The following LRRC4C variants were observed in gnomAD, a reference collection of about 807,000 sequenced individuals.
The protein encoded by LRRC4C is leucine-rich repeat-containing protein 4C.
A neutral mutation model predicts 33.6 loss-of-function variants in LRRC4C; 5 were observed. That is an observed-to-expected ratio of 0.15 (90% CI 0.08 to 0.31). LRRC4C has a LOEUF of 0.31. Ranked by LOEUF, LRRC4C falls within the 10% of genes least tolerant of loss-of-function variation. The probability of loss-of-function intolerance (pLI) is 1.00; values close to 1 mark genes in which losing one functional copy is unlikely to be tolerated. For synonymous variants in LRRC4C, 329 were observed against 302.0 expected (o/e 1.09, Z -0.93); for missense variants, 560 against 796.7 (o/e 0.70, Z 3.58).
chr11:40,684,077 A>G (rs1944837553), intron 2 of LRRC4C, among the ~76,000 whole-genome samples: 1 of 152,166 alleles, frequency 6.6e-6, no homozygotes, highest in Non-Finnish European at 1.5e-5. Context: ...GTTACAAAAT[A>G]CTTACACAAT....
intron 2 of LRRC4C, among the ~76,000 whole-genome samples, chr11:40,793,974 T>C (rs554004697): frequency 6.6e-6 from 1 of 152,306 alleles, no homozygotes; most frequent in African/African-American, 2.4e-5. Flanking sequence ...ATTATCTTCA[T>C]ATAAACTCAC....
At chr11:40,742,036 A>G (rs1357076199) in intron 2 of LRRC4C, among the ~76,000 whole-genome samples, 2 of 152,062 alleles carry the variant, frequency 1.3e-5, no homozygotes, top group Admixed American at 6.6e-5. Context: ...GAAAAGTAGA[A>G]AAAAATCTAA....
chr11:40,649,013 T>C (rs576199998), intron 2 of LRRC4C, among the ~76,000 whole-genome samples: 1 of 152,192 alleles, frequency 6.6e-6, no homozygotes, highest in East Asian at 1.9e-4. Flanking sequence ...GATCACAGGC[T>C]TCAAAGGGCA....
intron 2 of LRRC4C, among the ~76,000 whole-genome samples, chr11:40,743,818 T>C (rs1013156416): frequency 2.2e-4 from 33 of 152,120 alleles, no homozygotes; most frequent in African/African-American, 7.5e-4. Flanking sequence ...TTTTCCCTAT[T>C]GTCCTCTTCA....
At chr11:40,950,819 C>A (rs1387242349) in intron 1 of LRRC4C, among the ~76,000 whole-genome samples, 1 of 151,536 alleles carries the variant, frequency 6.6e-6, no homozygotes, top group African/African-American at 2.4e-5. Context: ...CATATGGAAT[C>A]ATTTTGCTTT....
intron 3 of LRRC4C, among the ~76,000 whole-genome samples, chr11:40,453,085 G>A (rs1393836869): frequency 6.6e-6 from 1 of 152,002 alleles, no homozygotes; most frequent in Non-Finnish European, 1.5e-5. Flanking sequence ...AATGTTAAAT[G>A]ACGAGTTAAT....
chr11:40,803,393 GA>G (rs1314734731), intron 2 of LRRC4C, among the ~76,000 whole-genome samples: 1 of 152,042 alleles, frequency 6.6e-6, no homozygotes, highest in Non-Finnish European at 1.5e-5. Context: ...GCCAAACAAA[GA>G]AACATGGCTT....
intron 1 of LRRC4C, among the ~76,000 whole-genome samples, chr11:41,057,397 C>A (rs371646179): frequency 6.6e-6 from 1 of 152,164 alleles, no homozygotes; most frequent in Non-Finnish European, 1.5e-5. Context: ...AGATACCTCT[C>A]GACACCTATA....
chr11:40,796,337 G>T (rs988754753), intron 2 of LRRC4C, among the ~76,000 whole-genome samples: 25 of 152,184 alleles, frequency 1.6e-4, no homozygotes, highest in African/African-American at 5.8e-4. Context: ...AGTTCGTGGT[G>T]CAGGGTAAAC....
At chr11:41,047,315 A>C (rs1857843322) in intron 1 of LRRC4C, among the ~76,000 whole-genome samples, 1 of 152,284 alleles carries the variant, frequency 6.6e-6, no homozygotes, top group Middle Eastern at 3.4e-3. Flanking sequence ...TAACATCAGT[A>C]TAATTATTAT....
chr11:40,462,334 G>T (rs538011615), intron 3 of LRRC4C, among the ~76,000 whole-genome samples: 26 of 152,180 alleles, frequency 1.7e-4, no homozygotes, highest in South Asian at 6.2e-4. Flanking sequence ...TGGAAGCAGA[G>T]ATTTGCTTTT....
intron 2 of LRRC4C, among the ~76,000 whole-genome samples, chr11:40,855,648 T>C (rs756645110): frequency 6.6e-6 from 1 of 152,176 alleles, no homozygotes; most frequent in Non-Finnish European, 1.5e-5. Context: ...AGTGTCACCA[T>C]AGAAAATGAC....
chr11:41,004,496 T>C (rs922758197), intron 1 of LRRC4C, among the ~76,000 whole-genome samples: 2 of 152,172 alleles, frequency 1.3e-5, no homozygotes, highest in African/African-American at 4.8e-5. Context: ...GCTAAAAGAA[T>C]AAAAATGCTA....
intron 1 of LRRC4C, among the ~76,000 whole-genome samples, chr11:41,404,775 T>C (rs1954166524): frequency 6.6e-6 from 1 of 151,992 alleles, no homozygotes; most frequent in Admixed American, 6.6e-5. Context: ...TTTCAGACCA[T>C]CAATTAGAAG....
chr11:40,767,941 A>G (rs1003738892), intron 2 of LRRC4C, among the ~76,000 whole-genome samples: 13 of 151,918 alleles, frequency 8.6e-5, no homozygotes, highest in African/African-American at 2.2e-4. Context: ...CCAAACCCAA[A>G]CCATTTCTTC....
At chr11:41,383,209 T>C (rs1953224161) in intron 1 of LRRC4C, among the ~76,000 whole-genome samples, 1 of 152,126 alleles carries the variant, frequency 6.6e-6, no homozygotes, top group Admixed American at 6.6e-5. Flanking sequence ...TTTTCTGGGT[T>C]GTGAATCAGA....
intron 5 of LRRC4C, among the ~76,000 whole-genome samples, chr11:40,149,483 G>A (rs7117233): frequency 0.27 from 40,699 of 151,846 alleles, 6,113 homozygotes; most frequent in Non-Finnish European, 0.34. Context: ...TTGGCTCTTG[G>A]CTTGACTGTT....
chr11:40,734,879 G>A (rs1351643437), intron 2 of LRRC4C, among the ~76,000 whole-genome samples: 1 of 152,108 alleles, frequency 6.6e-6, no homozygotes, highest in Non-Finnish European at 1.5e-5. Context: ...ATTGGCAGGT[G>A]AGTCAATGGA....
chr11:40,694,610 G>A (rs1945397931), intron 2 of LRRC4C, among the ~76,000 whole-genome samples: 1 of 152,072 alleles, frequency 6.6e-6, no homozygotes, highest in Non-Finnish European at 1.5e-5. Context: ...GACTCCCATG[G>A]CTATACAGAG....
Sources: allele counts gnomAD v4.1 joint callset (sites outside exome capture counted in the v4.1 genomes callset), GRCh38; gene constraint gnomAD v4.1.1; transcripts MANE v1.5; gene names NCBI Gene and HGNC (gene_info 2026-07-23, HGNC 2026-07-21).